The following MDM4 variants were observed in gnomAD, a reference collection of about 807,000 sequenced individuals.
MDM4 encodes MDM4 regulator of p53.
In MDM4, 2 loss-of-function variants were observed where a neutral mutation model predicts 60.2. The observed-to-expected ratio is 0.03, with a 90% CI of 0.01 to 0.10. The LOEUF is 0.10. MDM4 is among the 10% of genes least tolerant of loss of function. The pLI, the probability that MDM4 is intolerant of heterozygous loss-of-function variation, is 1.00. For missense variants in MDM4, 447 were observed against 577.5 expected (o/e 0.77, Z 2.32); for synonymous variants, 202 against 198.1 (o/e 1.02, Z -0.17).
intron 5 of MDM4, chr1:204,537,019 G>T (rs1661492517): frequency 1.4e-5 from 4 of 277,258 alleles, no homozygotes; most frequent in South Asian, 1.0e-4. Context: ...CTTGAAAGTT[G>T]AAATTAAATG....
Position 204,541,283 on chromosome 1 carries a change from A to C in MDM4, c.512-1501A>C, listed in dbSNP as rs4252710. Among the ~76,000 whole-genome samples the C allele has an allele frequency of 8.6e-4, 131 of 152,170 alleles. No individual in the cohort carries two copies. The East Asian group carries it at 0.015, about 18-fold the overall frequency. On this transcript the variant is annotated intron_variant, in intron 7 of 10. Coordinates refer to ENST00000367182, the MANE Select transcript of MDM4 (RefSeq NM_002393.5). ...AGACCAGCTTGGGTAACATAGCGAG[A>C]CCTCGTCTCTACAAAAAATCAGCCC...
intron 1 of MDM4, among the ~76,000 whole-genome samples, chr1:204,523,284 A>G (rs989950821): frequency 1.2e-4 from 17 of 144,312 alleles, no homozygotes; most frequent in African/African-American, 4.2e-4. Flanking sequence ...CCTGGCTAAC[A>G]TGGTGAAACC....
chr1:204,521,552 G>C (rs769199341), intron 1 of MDM4, among the ~76,000 whole-genome samples: 43 of 152,196 alleles, frequency 2.8e-4, no homozygotes, highest in Admixed American at 5.2e-4. Context: ...TCTCCTTGTA[G>C]CCTTTTTGTG....
intron 5 of MDM4, 157 bp downstream of exon 5, chr1:204,532,403 A>G: frequency 1.7e-6 from 1 of 593,756 alleles, no homozygotes; most frequent in Non-Finnish European, 3.0e-6. Flanking sequence ...TTATGTTATT[A>G]ACTTTTTACT....
chr1:204,539,122 G>T (rs962297624), intron 7 of MDM4, among the ~76,000 whole-genome samples: 1 of 152,114 alleles, frequency 6.6e-6, no homozygotes, highest in East Asian at 1.9e-4. Context: ...GCCTACCTTG[G>T]CCTCCCAAAG....
In MDM4 at chr1:204,549,724, C is replaced by A. The variant is rs1196453521; in HGVS notation, c.*42C>A. The stretch of plus-strand genomic sequence containing the variant: ...AAAATGCATTTATTCCGTTCACTTA[C>A]CACATTATTTGAAAATCAATCCTTT... On this transcript the variant is annotated 3_prime_UTR_variant, in exon 11 of 11. Coordinates refer to ENST00000367182, the MANE Select transcript of MDM4 (RefSeq NM_002393.5). The A allele has an allele frequency of 9.1e-7, 1 of 1,102,106 alleles. No homozygotes were observed. Among genetic ancestry groups the A allele is most frequent in the Admixed American group, 2.7e-5 (1 of 37,728 alleles). The allele number at this position is 1,102,106 out of a possible 1,614,324, so 68.3% of individuals were successfully genotyped here. A position where few individuals can be genotyped will look rare whatever the true frequency, so the allele number is the denominator to read the frequency against.
chr1:204,526,755 G>T (rs978910849), intron 3 of MDM4, among the ~76,000 whole-genome samples: 1 of 152,086 alleles, frequency 6.6e-6, no homozygotes, highest in Admixed American at 6.5e-5. Flanking sequence ...GAGCCACCGC[G>T]CCTGGCCAAA....
intron 3 of MDM4, chr1:204,529,433 C>CCCTGGAGCTGTACCATCATTTGGTCCT: frequency 1.0e-5 from 15 of 1,482,300 alleles, no homozygotes; most frequent in African/African-American, 1.4e-5. Context: ...CATAGGGGCC[C>CCCTGGAGCTGTACCATCATTTGGTCCT]CCTGGAGCTG....
intron 3 of MDM4, among the ~76,000 whole-genome samples, chr1:204,530,224 A>G (rs1386168433): frequency 6.6e-6 from 1 of 152,166 alleles, no homozygotes; most frequent in Non-Finnish European, 1.5e-5. Flanking sequence ...TCCACTTACA[A>G]TGCTGATGGC....
chr1:204,548,002 G>A (rs745963398), intron 10 of MDM4, among the ~76,000 whole-genome samples: 6 of 152,214 alleles, frequency 3.9e-5, no homozygotes, highest in Non-Finnish European at 7.3e-5. Context: ...GATTACAGGC[G>A]TGAGCCACCA....
At chr1:204,540,611 A>T (rs1661971029) in intron 7 of MDM4, among the ~76,000 whole-genome samples, 1 of 151,618 alleles carries the variant, frequency 6.6e-6, no homozygotes, top group Non-Finnish European at 1.5e-5. Context: ...AAAAATACAA[A>T]AATTAGCCGG....
At chr1:204,526,012 C>T (rs1023436994) in intron 2 of MDM4, among the ~76,000 whole-genome samples, 29 of 151,866 alleles carry the variant, frequency 1.9e-4, no homozygotes, top group Admixed American at 1.2e-3. Flanking sequence ...CCCAGCACTT[C>T]GGGAGGCGGA....
chr1:204,531,944 G>C (rs546243633), intron 4 of MDM4, among the ~76,000 whole-genome samples: 1 of 152,096 alleles, frequency 6.6e-6, no homozygotes. Context: ...ATTACTGTTC[G>C]CTAATGAAAT....
chr1:204,550,191 G>C lies in MDM4; in HGVS notation c.*509G>C. The C allele has an allele frequency of 8.5e-6, 2 of 234,008 alleles. No homozygotes were observed. The highest frequency in any genetic ancestry group is 1.7e-5 in the Non-Finnish European group (2 of 119,076). 14.5% of individuals were successfully genotyped at this position (234,008 alleles called of 1,614,324 possible). ...TATAGGGGAGGTGTGGGGCGACAGG[G>C]TCTGTCTTGTTCTGTCTCCCAGGCT... is the stretch of plus-strand genomic sequence containing the variant. On this transcript the variant is annotated 3_prime_UTR_variant, in exon 11 of 11. Transcript: ENST00000367182.
At chr1:204,523,171 TAAA>T (rs1279610500) in intron 1 of MDM4, among the ~76,000 whole-genome samples, 1 of 149,682 alleles carries the variant, frequency 6.7e-6, no homozygotes, top group Non-Finnish European at 1.5e-5. Context: ...CTGATAGTCT[TAAA>T]AAAATTTTTT....
chr1:204,555,593 G>A lies in MDM4; in HGVS notation c.*5911G>A, dbSNP rs1050267008. ...CGAAGATTGATATTAGGCTAGGGGC[G>A]GTGGCTTACGCCTGTAATCCCAGCA... is the stretch of plus-strand genomic sequence containing the variant. On this transcript the variant is annotated 3_prime_UTR_variant, in exon 11 of 11. Transcript: ENST00000367182. 1.7e-5 allele frequency: 3 copies of A among 172,072 alleles called. No homozygotes were observed. Among genetic ancestry groups the A allele is most frequent in the Non-Finnish European group, 2.5e-5 (2 of 79,432 alleles). 10.7% of individuals were successfully genotyped at this position (172,072 alleles called of 1,614,324 possible).
chr1:204,542,851 G>C lies in MDM4; in HGVS notation c.579G>C (p.Trp193Cys). The C allele has an allele frequency of 6.2e-7, 1 of 1,613,962 alleles. No homozygotes were observed. The highest frequency in any genetic ancestry group is 8.5e-7 in the Non-Finnish European group (1 of 1,179,882). Residue 193 changes from tryptophan to cysteine, a missense_variant, in exon 8 of 11, where the codon TGG becomes TGC. Physicochemically the swap from Trp to Cys is radical, Grantham distance 215 (BLOSUM62 -2). Coordinates refer to ENST00000367182, the MANE Select transcript of MDM4 (RefSeq NM_002393.5). ...TSRLDLGFEE[W>C]DVAGLPWWFL... Reference sequence around the variant, plus strand: ...GGCTGGACCTTGGATTTGAGGAGTGGGATGTAGCTGGCCTGCCTTGGTGGT... The same window carrying C: ...GGCTGGACCTTGGATTTGAGGAGTGCGATGTAGCTGGCCTGCCTTGGTGGT...
intron 1 of MDM4, among the ~76,000 whole-genome samples, chr1:204,520,408 TAA>T (rs1659457602): frequency 6.8e-6 from 1 of 147,734 alleles, no homozygotes. Context: ...GCAACTAAAC[TAA>T]AAATACTTTT....
At position 204,530,804 on chromosome 1, in the gene MDM4, G is replaced by A. The variant is rs1470544871; in HGVS notation, c.274G>A (p.Val92Met). Residue 92 changes from valine to methionine, a missense_variant, in exon 4 of 11, where the codon GTG becomes ATG. Val to Met is a conservative substitution (Grantham distance 21). Transcript: ENST00000367182. The stretch of plus-strand genomic sequence containing the variant: ...ACTACTGGGACGTCAGAGCTTCTCC[G>A]TGAAAGACCCAAGGTAAAAACAGTG... Reference protein sequence around the residue: ...GELLGRQSFSVKDPSPLYDML... With the variant: ...GELLGRQSFSMKDPSPLYDML... 1 of 1,614,162 alleles carries A rather than the reference G, an allele frequency of 6.2e-7. No homozygotes were observed. Among genetic ancestry groups the A allele is most frequent in the Non-Finnish European group, 8.5e-7 (1 of 1,180,022 alleles).
Sources: gnomAD v4.1 joint callset for allele counts (sites outside exome capture counted in the v4.1 genomes callset) on GRCh38, gnomAD v4.1.1 for gene constraint, MANE v1.5 for transcripts, NCBI Gene and HGNC (gene_info 2026-07-23, HGNC 2026-07-21) for gene names.